Variants in DNAJC1 observed in about 807,000 individuals in gnomAD.
DNAJC1 encodes DnaJ heat shock protein family (Hsp40) member C1.
A neutral mutation model predicts 76.6 loss-of-function variants in DNAJC1; 58 were observed. That is an observed-to-expected ratio of 0.76 (90% CI 0.61 to 0.94). The LOEUF (loss-of-function observed/expected upper bound fraction) is 0.94, where lower values mean the gene tolerates loss of function less well. Among genes scored for constraint, DNAJC1 ranks in the 40% least tolerant of loss-of-function variants. DNAJC1 has a pLI of 0.00. For missense variants in DNAJC1, 689 were observed against 677.3 expected (o/e 1.02, Z -0.19); for synonymous variants, 258 against 267.9 (o/e 0.96, Z 0.36).
intron 8 of DNAJC1, among the ~76,000 whole-genome samples, chr10:21,832,459 T>A (rs1426471265): frequency 6.6e-6 from 1 of 152,190 alleles, no homozygotes; most frequent in Non-Finnish European, 1.5e-5. Flanking sequence ...ACTTAGCACA[T>A]ACCAAACTGA....
Position 21,978,348 on chromosome 10 carries a change from C to T in DNAJC1, c.222+24865G>A, listed in dbSNP as rs535050182. 1.8e-3 allele frequency among the ~76,000 whole-genome samples: 281 copies of T among 152,172 alleles called. 2 individuals are homozygous for T. The South Asian group carries it at 0.024, about 13-fold the overall frequency. The stretch of plus-strand genomic sequence containing the variant: ...AGCAACATTTTGTAGAACTAATACA[C>T]TGATAAAGTATAGAATTTGAAAGCC... On this transcript the variant is annotated intron_variant, in intron 1 of 11. Coordinates refer to ENST00000376980, the MANE Select transcript of DNAJC1 (RefSeq NM_022365.4).
At chr10:21,942,730 T>C (rs538196456) in intron 1 of DNAJC1, among the ~76,000 whole-genome samples, 3 of 140,746 alleles carry the variant, frequency 2.1e-5, no homozygotes, top group South Asian at 2.2e-4. Flanking sequence ...GGCATGAACC[T>C]GGGAGGCGGA....
intron 8 of DNAJC1, among the ~76,000 whole-genome samples, chr10:21,870,111 G>A (rs1177994358): frequency 6.6e-6 from 1 of 151,652 alleles, no homozygotes; most frequent in African/African-American, 2.4e-5. Flanking sequence ...GACCAAAGAA[G>A]GTTCATTCCA....
At chr10:21,820,518 C>A (rs939158746) in intron 8 of DNAJC1, among the ~76,000 whole-genome samples, 1 of 152,194 alleles carries the variant, frequency 6.6e-6, no homozygotes, top group African/African-American at 2.4e-5. Context: ...CTGTGACCCA[C>A]AACATGTGGG....
chr10:21,805,757 A>G (rs1015345395), intron 9 of DNAJC1, among the ~76,000 whole-genome samples: 2 of 152,186 alleles, frequency 1.3e-5, no homozygotes, highest in African/African-American at 4.8e-5. Flanking sequence ...CAGTAGCTTA[A>G]GTCTCTAAAC....
At chr10:21,982,430 C>T (rs1244757994) in intron 1 of DNAJC1, among the ~76,000 whole-genome samples, 2 of 151,904 alleles carry the variant, frequency 1.3e-5, no homozygotes, top group East Asian at 3.9e-4. Flanking sequence ...ACCTTTTGTG[C>T]ATCAAAGGAC....
At chr10:21,815,685 A>G (rs1311893249) in intron 8 of DNAJC1, among the ~76,000 whole-genome samples, 1 of 151,832 alleles carries the variant, frequency 6.6e-6, no homozygotes, top group Non-Finnish European at 1.5e-5. Context: ...TTTTATGGTT[A>G]GTGATTAGAG....
At chr10:21,786,463 T>TAGAGAG (rs1159399044) in intron 9 of DNAJC1, among the ~76,000 whole-genome samples, 50 of 23,410 alleles carry the variant, frequency 2.1e-3, no homozygotes, top group Middle Eastern at 0.1. Context: ...TATATATATA[T>TAGAGAG]AGAGAGAGAG....
intron 7 of DNAJC1, among the ~76,000 whole-genome samples, chr10:21,902,475 T>C (rs1836673935): frequency 6.6e-6 from 1 of 152,066 alleles, no homozygotes; most frequent in Admixed American, 6.6e-5. Context: ...CAGCTAATTT[T>C]TGTATTTTTA....
intron 1 of DNAJC1, among the ~76,000 whole-genome samples, chr10:21,941,163 G>A (rs1590059154): frequency 6.7e-6 from 1 of 150,294 alleles, no homozygotes; most frequent in South Asian, 2.1e-4. Context: ...CAGCTACTCG[G>A]GAGGCTGAGG....
intron 9 of DNAJC1, among the ~76,000 whole-genome samples, chr10:21,798,983 T>C (rs1472556077): frequency 6.6e-6 from 1 of 152,208 alleles, no homozygotes; most frequent in East Asian, 1.9e-4. Context: ...TGTGCACATA[T>C]GTGCCTGACC....
At chr10:21,916,155 G>C (rs1284471589) in intron 6 of DNAJC1, among the ~76,000 whole-genome samples, 1 of 152,084 alleles carries the variant, frequency 6.6e-6, no homozygotes, top group Middle Eastern at 3.2e-3. Flanking sequence ...TATAGTTTAT[G>C]CCAGAAAGAG....
intron 7 of DNAJC1, among the ~76,000 whole-genome samples, chr10:21,892,356 AAC>A (rs35532996): frequency 0.022 from 3,235 of 147,356 alleles, 59 homozygotes; most frequent in Middle Eastern, 0.062. Flanking sequence ...TTGTCTATTT[AAC>A]ACACACACAC....
intron 8 of DNAJC1, among the ~76,000 whole-genome samples, chr10:21,872,636 T>C (rs1283383316): frequency 1.3e-5 from 2 of 151,758 alleles, no homozygotes; most frequent in Admixed American, 1.3e-4. Flanking sequence ...AGGAACAGAA[T>C]AAAAAGGAAT....
chr10:21,809,786 T>C (rs1192242826), intron 8 of DNAJC1, among the ~76,000 whole-genome samples: 1 of 152,038 alleles, frequency 6.6e-6, no homozygotes, highest in East Asian at 1.9e-4. Context: ...CCTTGACAAA[T>C]ATATATAAAT....
chr10:21,758,606 C>A (rs1005329717), intron 11 of DNAJC1, among the ~76,000 whole-genome samples: 1 of 152,226 alleles, frequency 6.6e-6, no homozygotes, highest in Non-Finnish European at 1.5e-5. Context: ...TGACCACATA[C>A]GGAGATGGCC....
intron 1 of DNAJC1, among the ~76,000 whole-genome samples, chr10:21,943,615 A>C (rs1837455839): frequency 6.6e-6 from 1 of 152,162 alleles, no homozygotes; most frequent in Admixed American, 6.5e-5. Context: ...ACTGATCCCT[A>C]ATCCCAGAGC....
At chr10:21,820,707 C>T (rs1835144257) in intron 8 of DNAJC1, among the ~76,000 whole-genome samples, 1 of 152,260 alleles carries the variant, frequency 6.6e-6, no homozygotes, top group South Asian at 2.1e-4. Context: ...GCCTCCAGAA[C>T]TTCTGACCAA....
chr10:21,891,743 C>A (rs917006145), intron 7 of DNAJC1, among the ~76,000 whole-genome samples: 2 of 152,110 alleles, frequency 1.3e-5, no homozygotes, highest in Non-Finnish European at 2.9e-5. Context: ...AAGGGGAAAC[C>A]AAGACATCCT....
Sources: gnomAD v4.1 joint callset for allele counts (sites outside exome capture counted in the v4.1 genomes callset) on GRCh38, gnomAD v4.1.1 for gene constraint, MANE v1.5 for transcripts, NCBI Gene and HGNC (gene_info 2026-07-23, HGNC 2026-07-21) for gene names.